The following DDX10 variants were observed in gnomAD, a reference collection of about 807,000 sequenced individuals.
DDX10 encodes the protein probable ATP-dependent RNA helicase DDX10.
A neutral mutation model predicts 104.3 loss-of-function variants in DDX10; 74 were observed. That is an observed-to-expected ratio of 0.71 (90% CI 0.59 to 0.86). DDX10 has a LOEUF of 0.86. DDX10 is among the 40% of genes least tolerant of loss of function. DDX10 has a pLI of 0.00. For missense variants in DDX10, 952 were observed against 1,040.0 expected (o/e 0.92, Z 1.16); for synonymous variants, 351 against 353.4 (o/e 0.99, Z 0.08).
At chr11:108,784,395 T>C (rs1013280854) in intron 13 of DDX10, among the ~76,000 whole-genome samples, 2 of 152,220 alleles carry the variant, frequency 1.3e-5, no homozygotes, top group Admixed American at 6.5e-5. Flanking sequence ...TTCTTTGCCC[T>C]CCTGAACACC....
At chr11:108,757,173 TGC>T (rs1454923205) in intron 13 of DDX10, among the ~76,000 whole-genome samples, 1 of 152,026 alleles carries the variant, frequency 6.6e-6, no homozygotes, top group Non-Finnish European at 1.5e-5. Context: ...TCAACCTGTC[TGC>T]AGTCTCCTTC....
chr11:108,847,413 A>G (rs1862734271), intron 15 of DDX10, among the ~76,000 whole-genome samples: 2 of 152,236 alleles, frequency 1.3e-5, no homozygotes, highest in Non-Finnish European at 2.9e-5. Flanking sequence ...ACAATTCATT[A>G]TGAAGCTCTT....
rs1862334998 is a variant in DDX10 at position 108,822,254 on chromosome 11, G to A, written c.1966-16192G>A. 4 of 213,138 alleles carry A rather than the reference G, an allele frequency of 1.9e-5. No homozygotes were observed. In the South Asian group the frequency reaches 3.2e-4, roughly 17 times the overall value. 13.2% of individuals were successfully genotyped at this position (213,138 alleles called of 1,614,324 possible). On this transcript the variant is annotated intron_variant, in intron 13 of 17. Transcript: ENST00000322536. Reference sequence around the variant, plus strand: ...ATTGATGATCTGAATTCTGGTATATGAGATCTATTAAATTATGGTACACAT... The same window carrying A: ...ATTGATGATCTGAATTCTGGTATATAAGATCTATTAAATTATGGTACACAT...
chr11:108,894,496 T>A (rs898826119), intron 16 of DDX10, among the ~76,000 whole-genome samples: 22 of 152,032 alleles, frequency 1.4e-4, no homozygotes, highest in Non-Finnish European at 2.9e-4. Flanking sequence ...TAATGTGTAA[T>A]TCGGATGAAT....
At chr11:108,691,774 A>T in intron 7 of DDX10, 102 bp from the exon 8 acceptor site, 1 of 954,642 alleles carries the variant, frequency 1.0e-6, no homozygotes, top group Non-Finnish European at 1.5e-6. Flanking sequence ...ATTGGGTATC[A>T]CATTGCTCTG....
intron 16 of DDX10, among the ~76,000 whole-genome samples, chr11:108,885,285 G>A (rs1863281068): frequency 1.3e-5 from 2 of 151,272 alleles, no homozygotes; most frequent in Admixed American, 6.6e-5. Flanking sequence ...TCATTGCACA[G>A]TGAATACAAT....
chr11:108,903,960 A>G lies in DDX10; in HGVS notation c.2305-13913A>G, dbSNP rs569970876. Among the ~76,000 whole-genome samples the G allele has an allele frequency of 8.5e-5, 13 of 152,302 alleles. No homozygotes were observed. In the South Asian group the frequency reaches 2.3e-3, roughly 27 times the overall value. ...CCTAGGATTGTAGTTGCTGTGTTGC[A>G]TGATAACTTTATGATTAATTTTTTG... is the stretch of plus-strand genomic sequence containing the variant. On this transcript the variant is annotated intron_variant, in intron 16 of 17. Coordinates refer to ENST00000322536, the MANE Select transcript of DDX10 (RefSeq NM_004398.4).
rs202130467 is a variant in DDX10 at position 108,805,970 on chromosome 11, A to AT, written c.1966-32468dup. Among the ~76,000 whole-genome samples the AT allele has an allele frequency of 5.2e-3, 783 of 151,694 alleles. 4 individuals carry two copies. Among genetic ancestry groups the AT allele is most frequent in the Non-Finnish European group, 8.1e-3 (548 of 67,876 alleles). On this transcript the variant is annotated intron_variant, in intron 13 of 17. Transcript: ENST00000322536. ...CTTTTTTTAAAATTTATTTTATTTT[A>AT]TTTTTTTTGAGATGGAGTTTCGCTC...
At chr11:108,704,527 T>C (rs1035876542) in intron 9 of DDX10, among the ~76,000 whole-genome samples, 2 of 152,226 alleles carry the variant, frequency 1.3e-5, no homozygotes, top group African/African-American at 2.4e-5. Flanking sequence ...TGGTGGAGTG[T>C]GAGAGCTTCA....
At chr11:108,883,326 T>G (rs1863251411) in intron 16 of DDX10, among the ~76,000 whole-genome samples, 1 of 152,180 alleles carries the variant, frequency 6.6e-6, no homozygotes, top group Admixed American at 6.5e-5. Flanking sequence ...TATTATTTTT[T>G]GTTATATCAT....
chr11:108,798,215 T>C (rs1244779389), intron 13 of DDX10, among the ~76,000 whole-genome samples: 1 of 152,246 alleles, frequency 6.6e-6, no homozygotes, highest in African/African-American at 2.4e-5. Context: ...TTTTATCTTC[T>C]TGGGGCATGT....
intron 13 of DDX10, among the ~76,000 whole-genome samples, chr11:108,835,858 A>G (rs1862548221): frequency 6.6e-6 from 1 of 151,722 alleles, no homozygotes; most frequent in African/African-American, 2.4e-5. Flanking sequence ...GATTGTAGGG[A>G]GAGTAGCCTT....
At chr11:108,922,935 A>G (rs947663435) in intron 17 of DDX10, among the ~76,000 whole-genome samples, 19 of 152,224 alleles carry the variant, frequency 1.2e-4, no homozygotes, top group African/African-American at 4.6e-4. Context: ...TCCAAACTCC[A>G]TTTAAGGATC....
intron 6 of DDX10, among the ~76,000 whole-genome samples, chr11:108,684,114 C>T (rs1373032583): frequency 1.3e-4 from 6 of 44,656 alleles, no homozygotes; most frequent in Admixed American, 4.4e-4. Context: ...TTCTGGTGTT[C>T]TAAGTTTATC....
chr11:108,854,072 A>G (rs1862832623), intron 16 of DDX10, among the ~76,000 whole-genome samples: 1 of 152,182 alleles, frequency 6.6e-6, no homozygotes, highest in South Asian at 2.1e-4. Context: ...TGCAGCCAGG[A>G]CTCAAACATT....
intron 1 of DDX10, among the ~76,000 whole-genome samples, chr11:108,667,555 C>G (rs960664496): frequency 7.9e-5 from 12 of 152,196 alleles, no homozygotes; most frequent in African/African-American, 2.7e-4. Flanking sequence ...GTCTCAGTTT[C>G]TTCTTTCAAA....
intron 16 of DDX10, among the ~76,000 whole-genome samples, chr11:108,891,106 G>A (rs1331854673): frequency 6.6e-6 from 1 of 152,104 alleles, no homozygotes; most frequent in Non-Finnish European, 1.5e-5. Context: ...TCCTTTGACC[G>A]CTATAGCAGT....
chr11:108,702,265 A>T (rs2094269425), intron 9 of DDX10, among the ~76,000 whole-genome samples: 1 of 152,222 alleles, frequency 6.6e-6, no homozygotes, highest in South Asian at 2.1e-4. Context: ...AATAATGACA[A>T]AACAATTAAA....
At position 108,688,964 on chromosome 11, in the gene DDX10, A is replaced by C; in HGVS notation, c.877A>C (p.Ile293Leu). The C allele has an allele frequency of 6.2e-7, 1 of 1,613,998 alleles. No homozygotes were observed. The highest frequency in any genetic ancestry group is 8.5e-7 in the Non-Finnish European group (1 of 1,179,914). The change falls in exon 7 of 18, where the codon ATA becomes CTA. Residue 293 changes from isoleucine to leucine, a missense_variant. Transcript: ENST00000322536. ...CCCTGCCACTTTGGAACAGAACTACATAGTCTGTGAGCTGCAGCAAAAAAT... is the reference window on the plus strand; with the variant it reads ...CCCTGCCACTTTGGAACAGAACTACCTAGTCTGTGAGCTGCAGCAAAAAAT... ...STPATLEQNY[I>L]VCELQQKISV... is the part of the protein sequence containing the mutation.
Sources: allele counts gnomAD v4.1 joint callset (sites outside exome capture counted in the v4.1 genomes callset), GRCh38; gene constraint gnomAD v4.1.1; transcripts MANE v1.5; gene names NCBI Gene and HGNC (gene_info 2026-07-23, HGNC 2026-07-21).